NRXN3: variants seen among roughly 807,000 people sequenced by gnomAD.
NRXN3 encodes neurexin 3.
A neutral mutation model predicts 137.6 loss-of-function variants in NRXN3; 32 were observed. That is an observed-to-expected ratio of 0.23 (90% CI 0.18 to 0.31). The LOEUF (loss-of-function observed/expected upper bound fraction) is 0.31. Ranked by LOEUF, NRXN3 falls within the 10% of genes least tolerant of loss-of-function variation. NRXN3 has a pLI of 1.00. For synonymous variants in NRXN3, 798 were observed against 784.5 expected, an observed-to-expected ratio of 1.02 and a Z score of -0.29; for missense variants, 1,574 against 2,062.5, an observed-to-expected ratio of 0.76 and a Z score of 4.59.
At chr14:79,027,095 T>A (rs1031316867) in intron 15 of NRXN3, among the ~76,000 whole-genome samples, 7 of 147,942 alleles carry the variant, frequency 4.7e-5, no homozygotes, top group African/African-American at 1.5e-4. Flanking sequence ...TTTTTTTTTT[T>A]AAAACTTGTT....
chr14:79,125,579 T>G (rs1350595524), intron 15 of NRXN3, among the ~76,000 whole-genome samples: 1 of 152,182 alleles, frequency 6.6e-6, no homozygotes, highest in East Asian at 1.9e-4. Flanking sequence ...ACTTCACCAC[T>G]GGATTGTTGC....
At chr14:79,107,234 G>C (rs1004484358) in intron 15 of NRXN3, among the ~76,000 whole-genome samples, 1 of 152,142 alleles carries the variant, frequency 6.6e-6, no homozygotes, top group African/African-American at 2.4e-5. Flanking sequence ...GGACTTGAGA[G>C]AGTAGAGAGC....
At position 78,990,976 on chromosome 14, in the gene NRXN3, A is replaced by G. The variant is rs532776012; in HGVS notation, c.3262+2835A>G. 3.2e-4 allele frequency among the ~76,000 whole-genome samples: 49 copies of G among 152,312 alleles called. 1 individual carries two copies. Among genetic ancestry groups the G allele is most frequent in the Non-Finnish European group, 5.6e-4 (38 of 68,038 alleles). ...CTATTTCATCTCACAAACATCTTCA[A>G]AATGAAGTTACCTGCATGATATTCT... On this transcript the variant is annotated intron_variant, in intron 15 of 20. Coordinates refer to ENST00000335750, the MANE Select transcript of NRXN3 (RefSeq NM_001330195.2).
chr14:79,059,250 CTTTTTTTTTT>C (rs869266975), intron 15 of NRXN3, among the ~76,000 whole-genome samples: 9 of 78,318 alleles, frequency 1.1e-4, no homozygotes, highest in Admixed American at 1.6e-4. Context: ...AGGCCCTATT[CTTTTTTTTTT>C]TTTTTTTTTT....
At chr14:79,472,830 G>T (rs1287088882) in intron 16 of NRXN3, among the ~76,000 whole-genome samples, 1 of 152,156 alleles carries the variant, frequency 6.6e-6, no homozygotes, top group Non-Finnish European at 1.5e-5. Flanking sequence ...AGATTGGCAT[G>T]AAGTGCTTGT....
intron 17 of NRXN3, among the ~76,000 whole-genome samples, chr14:79,690,964 G>A (rs548036436): frequency 3.9e-5 from 6 of 152,098 alleles, no homozygotes; most frequent in Non-Finnish European, 8.8e-5. Context: ...TTGGTAGTTT[G>A]GAATGGAGTT....
chr14:78,419,233 A>G (rs2093316223), intron 4 of NRXN3, among the ~76,000 whole-genome samples: 1 of 151,960 alleles, frequency 6.6e-6, no homozygotes, highest in Non-Finnish European at 1.5e-5. Context: ...CCAACTTTTT[A>G]ATTTTTTTAT....
intron 15 of NRXN3, among the ~76,000 whole-genome samples, chr14:79,420,302 CAG>C (rs1256719326): frequency 6.6e-6 from 1 of 152,120 alleles, no homozygotes; most frequent in Non-Finnish European, 1.5e-5. Flanking sequence ...AAATGAATGA[CAG>C]AGCTGGAATT....
chr14:79,524,783 C>T (rs2097102971), intron 16 of NRXN3, among the ~76,000 whole-genome samples: 1 of 152,130 alleles, frequency 6.6e-6, no homozygotes, highest in Admixed American at 6.5e-5. Flanking sequence ...AAAATGAAGA[C>T]CCAAAGATAC....
chr14:78,468,279 G>A (rs2095172337), intron 4 of NRXN3, among the ~76,000 whole-genome samples: 3 of 152,100 alleles, frequency 2.0e-5, no homozygotes, highest in South Asian at 4.1e-4. Flanking sequence ...TGAGTATTAG[G>A]TTGGCTGTAC....
chr14:79,677,838 T>C (rs1192373234), intron 17 of NRXN3, among the ~76,000 whole-genome samples: 1 of 152,158 alleles, frequency 6.6e-6, no homozygotes, highest in African/African-American at 2.4e-5. Context: ...CCATTTCCAG[T>C]AGTTGTATGT....
intron 16 of NRXN3, among the ~76,000 whole-genome samples, chr14:79,584,454 T>C (rs1602466257): frequency 6.6e-6 from 1 of 152,072 alleles, no homozygotes; most frequent in Non-Finnish European, 1.5e-5. Flanking sequence ...GCTGGAGGAT[T>C]AGAGGGAAGA....
chr14:78,650,119 A>G (rs943130431), intron 5 of NRXN3, among the ~76,000 whole-genome samples: 10 of 151,254 alleles, frequency 6.6e-5, no homozygotes, highest in African/African-American at 2.2e-4. Context: ...TTAGTAAGGG[A>G]GGTGGCAGGC....
intron 4 of NRXN3, among the ~76,000 whole-genome samples, chr14:78,443,288 G>A (rs977908146): frequency 2.0e-5 from 3 of 152,210 alleles, no homozygotes; most frequent in Admixed American, 6.5e-5. Context: ...TTTACAAGTT[G>A]TCTCTGTATG....
intron 15 of NRXN3, among the ~76,000 whole-genome samples, chr14:79,155,473 C>T (rs901429404): frequency 6.6e-6 from 1 of 151,852 alleles, no homozygotes; most frequent in Non-Finnish European, 1.5e-5. Context: ...AGTATTCACT[C>T]ATCACTTGCA....
At chr14:78,788,022 G>T (rs898065557) in intron 8 of NRXN3, among the ~76,000 whole-genome samples, 1 of 152,120 alleles carries the variant, frequency 6.6e-6, no homozygotes, top group Non-Finnish European at 1.5e-5. Flanking sequence ...AGTTTGAATT[G>T]CAGAGCCCTT....
At chr14:79,820,137 G>A (rs975381031) in intron 20 of NRXN3, among the ~76,000 whole-genome samples, 1 of 152,166 alleles carries the variant, frequency 6.6e-6, no homozygotes, top group Non-Finnish European at 1.5e-5. Context: ...ACAACCTGCT[G>A]AGAGCCTCTT....
intron 15 of NRXN3, among the ~76,000 whole-genome samples, chr14:79,432,783 A>G (rs1335058129): frequency 6.6e-6 from 1 of 152,156 alleles, no homozygotes; most frequent in Admixed American, 6.5e-5. Flanking sequence ...TGAATGTTTA[A>G]TCTACTTTGT....
At chr14:79,667,710 GC>G (rs1023885955) in intron 17 of NRXN3, among the ~76,000 whole-genome samples, 1 of 152,024 alleles carries the variant, frequency 6.6e-6, no homozygotes, top group Non-Finnish European at 1.5e-5. Context: ...AGAAGAATCA[GC>G]CCAGAGCTAT....
Sources: gnomAD v4.1 joint callset for allele counts (sites outside exome capture counted in the v4.1 genomes callset) on GRCh38, gnomAD v4.1.1 for gene constraint, MANE v1.5 for transcripts, NCBI Gene and HGNC (gene_info 2026-07-23, HGNC 2026-07-21) for gene names.